RIT2: variants seen among roughly 807,000 people sequenced by gnomAD.
RIT2 encodes the protein GTP-binding protein Rit2.
A neutral mutation model predicts 23.7 loss-of-function variants in RIT2; 24 were observed. That is an observed-to-expected ratio of 1.01 (90% CI 0.73 to 1.43). RIT2 has a LOEUF of 1.43. Ranked by LOEUF, RIT2 falls within the 40% of genes most tolerant of loss-of-function variation. The pLI is 0.00. For missense variants in RIT2, 236 were observed against 266.9 expected (o/e 0.88, Z 0.81); for synonymous variants, 107 against 91.1 (o/e 1.17, Z -0.99).
At chr18:42,968,429 G>A (rs775140413) in intron 3 of RIT2, among the ~76,000 whole-genome samples, 3 of 152,098 alleles carry the variant, frequency 2.0e-5, no homozygotes, top group African/African-American at 7.2e-5. Context: ...ATAATAAATT[G>A]TTTTCAAGCA....
chr18:42,986,233 G>T (rs545026805), intron 2 of RIT2, among the ~76,000 whole-genome samples: 46 of 151,968 alleles, frequency 3.0e-4, no homozygotes, highest in Admixed American at 2.8e-3. Flanking sequence ...TAGAGATGGG[G>T]TTTCACCATG....
At chr18:42,820,372 A>T (rs957111615) in intron 4 of RIT2, among the ~76,000 whole-genome samples, 1 of 152,058 alleles carries the variant, frequency 6.6e-6, no homozygotes, top group South Asian at 2.1e-4. Flanking sequence ...AACCAGTTAA[A>T]AAAAAAAAGT....
At position 43,049,876 on chromosome 18, in the gene RIT2, G is replaced by A. The variant is rs906712749; in HGVS notation, c.104-16009C>T. Among the ~76,000 whole-genome samples the A allele has an allele frequency of 5.3e-5, 8 of 151,322 alleles. No individual in the cohort carries two copies. The East Asian group carries it at 1.4e-3, about 26-fold the overall frequency. ...GTGTACAGCTTGCAGATGGAGGCTGGAGAGAAAATCTAAAGTCATATCACC... is the reference window on the plus strand; with the variant it reads ...GTGTACAGCTTGCAGATGGAGGCTGAAGAGAAAATCTAAAGTCATATCACC... On this transcript the variant is annotated intron_variant, in intron 1 of 4. Transcript: ENST00000326695.
At chr18:43,039,572 T>G (rs1488731785) in intron 1 of RIT2, among the ~76,000 whole-genome samples, 1 of 152,138 alleles carries the variant, frequency 6.6e-6, no homozygotes, top group African/African-American at 2.4e-5. Context: ...GGTCTCGAAC[T>G]CCTGACCTCA....
chr18:42,861,399 A>G (rs1755544526), intron 4 of RIT2, among the ~76,000 whole-genome samples: 1 of 152,134 alleles, frequency 6.6e-6, no homozygotes. Context: ...AGCAATCTGT[A>G]TTTTTGCACT....
chr18:42,983,670 G>T (rs1910646133), intron 2 of RIT2, among the ~76,000 whole-genome samples: 1 of 151,796 alleles, frequency 6.6e-6, no homozygotes, highest in South Asian at 2.1e-4. Context: ...CAAAAAATAG[G>T]CAATCCAATT....
intron 1 of RIT2, among the ~76,000 whole-genome samples, chr18:43,059,794 T>C (rs1005099560): frequency 2.0e-5 from 3 of 152,158 alleles, no homozygotes; most frequent in Admixed American, 6.6e-5. Context: ...TTTATTTTAT[T>C]TTACAGAAAA....
At chr18:43,077,010 G>C (rs1471870260) in intron 1 of RIT2, among the ~76,000 whole-genome samples, 3 of 149,178 alleles carry the variant, frequency 2.0e-5, no homozygotes, top group Non-Finnish European at 4.5e-5. Context: ...GGCTGAGGCA[G>C]GAGAATGGCG....
At chr18:42,807,195 C>T (rs1259203464) in intron 4 of RIT2, among the ~76,000 whole-genome samples, 2 of 152,110 alleles carry the variant, frequency 1.3e-5, no homozygotes, top group Admixed American at 6.5e-5. Flanking sequence ...GTAATTTCTT[C>T]CTTTCAATAT....
chr18:42,768,803 A>G (rs1913483095), intron 4 of RIT2, among the ~76,000 whole-genome samples: 1 of 152,072 alleles, frequency 6.6e-6, no homozygotes, highest in African/African-American at 2.4e-5. Flanking sequence ...TGGGTTCTAC[A>G]TACCTTTCAA....
intron 2 of RIT2, among the ~76,000 whole-genome samples, chr18:43,009,551 A>T (rs1290787876): frequency 6.6e-6 from 1 of 151,746 alleles, no homozygotes; most frequent in Non-Finnish European, 1.5e-5. Flanking sequence ...GAAATTAGGC[A>T]GCTGGAATAT....
At chr18:42,971,865 T>C (rs943057704) in intron 3 of RIT2, among the ~76,000 whole-genome samples, 3 of 152,028 alleles carry the variant, frequency 2.0e-5, no homozygotes, top group Non-Finnish European at 4.4e-5. Flanking sequence ...CTGCATTCCA[T>C]TGGACTAAGC....
At chr18:43,019,205 C>A (rs4890245) in intron 2 of RIT2, among the ~76,000 whole-genome samples, 3 of 151,314 alleles carry the variant, frequency 2.0e-5, no homozygotes, top group Non-Finnish European at 3.0e-5. Flanking sequence ...GAAAAAAATA[C>A]CCCAAGCATA....
chr18:42,867,051 A>G (rs1907490594), intron 4 of RIT2, among the ~76,000 whole-genome samples: 1 of 152,138 alleles, frequency 6.6e-6, no homozygotes. Flanking sequence ...TTCAATGTGA[A>G]CTATTCTTTA....
chr18:43,035,265 T>A (rs554016666), intron 1 of RIT2, among the ~76,000 whole-genome samples: 1 of 152,330 alleles, frequency 6.6e-6, no homozygotes, highest in South Asian at 2.1e-4. Flanking sequence ...AGTCTCTACA[T>A]ATAAGTATTA....
chr18:43,031,024 G>C (rs763123601), intron 2 of RIT2, among the ~76,000 whole-genome samples: 1 of 151,860 alleles, frequency 6.6e-6, no homozygotes, highest in African/African-American at 2.4e-5. Flanking sequence ...CAAAGATCTG[G>C]TGCCTGGTAA....
chr18:42,942,251 T>G (rs1271848426), intron 3 of RIT2, among the ~76,000 whole-genome samples: 1 of 152,138 alleles, frequency 6.6e-6, no homozygotes, highest in African/African-American at 2.4e-5. Flanking sequence ...TGCTTTTTAC[T>G]GGCACACAGA....
chr18:42,997,113 A>G (rs1202275936), intron 2 of RIT2, among the ~76,000 whole-genome samples: 2 of 152,122 alleles, frequency 1.3e-5, no homozygotes, highest in African/African-American at 2.4e-5. Context: ...ACAAGGACAC[A>G]TAGCTACTGA....
intron 4 of RIT2, among the ~76,000 whole-genome samples, chr18:42,767,099 T>C (rs1267455102): frequency 6.6e-6 from 1 of 151,936 alleles, no homozygotes; most frequent in African/African-American, 2.4e-5. Context: ...CCACACAGAG[T>C]CCCTACTGGG....
Sources: allele counts gnomAD v4.1 joint callset (sites outside exome capture counted in the v4.1 genomes callset), GRCh38; gene constraint gnomAD v4.1.1; transcripts MANE v1.5; gene names NCBI Gene and HGNC (gene_info 2026-07-23, HGNC 2026-07-21).